Variants in KCNK9 observed in about 807,000 individuals in gnomAD.
KCNK9 encodes the protein potassium two pore domain channel subfamily K member 9.
Under a neutral mutation model 10.8 loss-of-function variants are expected in KCNK9, and 1 was observed. The ratio of observed to expected loss-of-function variants is 0.09; its 90% CI spans 0.03 to 0.44. The LOEUF (loss-of-function observed/expected upper bound fraction) is 0.44, where lower values mean the gene tolerates loss of function less well. Among genes scored for constraint, KCNK9 ranks in the 20% least tolerant of loss-of-function variants. KCNK9 has a pLI of 0.97. For synonymous variants in KCNK9, 231 were observed against 222.7 expected (o/e 1.04, Z -0.33); for missense variants, 303 against 515.0 (o/e 0.59, Z 3.98).
At chr8:139,651,303 C>T (rs1366413694) in intron 1 of KCNK9, among the ~76,000 whole-genome samples, 2 of 152,186 alleles carry the variant, frequency 1.3e-5, no homozygotes, top group African/African-American at 4.8e-5. Flanking sequence ...GGTCCCCCTG[C>T]CCCCACATAT....
At chr8:139,633,663 G>T (rs919860486) in intron 1 of KCNK9, among the ~76,000 whole-genome samples, 4 of 152,188 alleles carry the variant, frequency 2.6e-5, no homozygotes, top group African/African-American at 7.2e-5. Flanking sequence ...AGCAACCTGA[G>T]GTGTCTCCAA....
At chr8:139,699,210 G>C (rs1817138068) in intron 1 of KCNK9, among the ~76,000 whole-genome samples, 1 of 152,192 alleles carries the variant, frequency 6.6e-6, no homozygotes, top group African/African-American at 2.4e-5. Context: ...TGTTAGATTG[G>C]AGAAAGAAGT....
chr8:139,609,548 C>T (rs577319340), downstream of KCNK9, among the ~76,000 whole-genome samples: 22 of 152,260 alleles, frequency 1.4e-4, no homozygotes, highest in South Asian at 3.7e-3. Context: ...CCCTCTCTCA[C>T]CAGGAAGGGT....
rs1053005389 is a variant in KCNK9, at chr8:139,693,011, G to C, written c.283+9699C>G. 2.0e-5 allele frequency among the ~76,000 whole-genome samples: 3 copies of C among 152,028 alleles called. No individual in the cohort carries two copies. The East Asian group carries it at 5.8e-4, about 29-fold the overall frequency. ...TGAGAGGCTCACCTCAGGCCCACCT[G>C]AGAGATTCACCCCAACCTCACCTGA... On this transcript the variant is annotated intron_variant, in intron 1 of 1. Transcript: ENST00000520439. This position sits in a 1 kb window ranked among gnomAD's most constrained non-coding sequence, Gnocchi z 4.1.
chr8:139,632,227 G>T (rs111770861), intron 1 of KCNK9, among the ~76,000 whole-genome samples: 1,966 of 152,232 alleles, frequency 0.013, 34 homozygotes, highest in African/African-American at 0.044. Flanking sequence ...AGTCACCACA[G>T]ACCCCACATC....
chr8:139,677,181 G>A (rs557143103), intron 1 of KCNK9, among the ~76,000 whole-genome samples: 95 of 152,220 alleles, frequency 6.2e-4, no homozygotes, highest in African/African-American at 2.2e-3. Context: ...CCAATTAAAG[G>A]TTGATGCTGG....
intron 2 of KCNK9, among the ~76,000 whole-genome samples, chr8:139,602,483 A>T (rs62520177): frequency 0.19 from 28,795 of 152,172 alleles, 2,994 homozygotes; most frequent in East Asian, 0.31. Flanking sequence ...GGGTGGTGGG[A>T]GACCTTATAG....
intron 1 of KCNK9, among the ~76,000 whole-genome samples, chr8:139,640,162 G>GTC (rs1815458764): frequency 6.6e-6 from 1 of 152,194 alleles, no homozygotes; most frequent in Admixed American, 6.5e-5. Context: ...AAAATGCCCT[G>GTC]TCTCTACCCC....
chr8:139,666,055 GGAAGAA>G (rs1166069680), intron 1 of KCNK9, among the ~76,000 whole-genome samples: 3 of 152,246 alleles, frequency 2.0e-5, no homozygotes, highest in Non-Finnish European at 4.4e-5. Flanking sequence ...GTCTTGTAAG[GGAAGAA>G]CTTGGGTCCC....
downstream of KCNK9, among the ~76,000 whole-genome samples, chr8:139,608,934 T>G (rs919192216): frequency 6.6e-6 from 1 of 152,174 alleles, no homozygotes. Flanking sequence ...CACATCTTTT[T>G]CTGGCTGACC....
intron 1 of KCNK9, among the ~76,000 whole-genome samples, chr8:139,656,520 TGAG>T (rs1816026356): frequency 6.6e-6 from 1 of 152,168 alleles, no homozygotes; most frequent in South Asian, 2.1e-4. Flanking sequence ...TGCAGACAGA[TGAG>T]TGAGCAGCTG....
chr8:139,648,343 A>G (rs1815753204), intron 1 of KCNK9, among the ~76,000 whole-genome samples: 1 of 152,254 alleles, frequency 6.6e-6, no homozygotes, highest in Non-Finnish European at 1.5e-5. Flanking sequence ...GGAACTACAC[A>G]GAGGTGATGG....
chr8:139,631,613 C>T (rs947482238), intron 1 of KCNK9, among the ~76,000 whole-genome samples: 1 of 152,166 alleles, frequency 6.6e-6, no homozygotes, highest in Non-Finnish European at 1.5e-5. Context: ...CCGTTCTACT[C>T]TTTCTTCCCA....
chr8:139,652,228 A>G (rs1815889034), intron 1 of KCNK9, among the ~76,000 whole-genome samples: 1 of 152,172 alleles, frequency 6.6e-6, no homozygotes, highest in Non-Finnish European at 1.5e-5. Flanking sequence ...TGCTTCCACA[A>G]GACACTGAGT....
At chr8:139,690,430 G>A (rs770597928) in intron 1 of KCNK9, among the ~76,000 whole-genome samples, 1 of 152,186 alleles carries the variant, frequency 6.6e-6, no homozygotes, top group African/African-American at 2.4e-5. Context: ...CTTATCCTGG[G>A]GAGCTCTGGT....
At chr8:139,646,962 G>A (rs1586660699) in intron 1 of KCNK9, among the ~76,000 whole-genome samples, 2 of 152,350 alleles carry the variant, frequency 1.3e-5, no homozygotes, top group East Asian at 3.9e-4. Flanking sequence ...CTGGCCGCCA[G>A]CCCAAACTCG....
intron 1 of KCNK9, among the ~76,000 whole-genome samples, chr8:139,619,344 G>A (rs1472832867): frequency 6.6e-6 from 1 of 152,050 alleles, no homozygotes; most frequent in Non-Finnish European, 1.5e-5. Context: ...CAGTAGGGAG[G>A]GAGTTGGGAT....
chr8:139,663,648 C>CGTGTGTGTGTGTGTGT (rs34660685), intron 1 of KCNK9, among the ~76,000 whole-genome samples: 3,819 of 137,442 alleles, frequency 0.028, 75 homozygotes, highest in African/African-American at 0.062. Context: ...CGCGTGCGCA[C>CGTGTGTGTGTGTGTGT]GTGTGTGTGT....
chr8:139,691,639 T>C (rs576889175), intron 1 of KCNK9, among the ~76,000 whole-genome samples: 29 of 152,328 alleles, frequency 1.9e-4, no homozygotes, highest in Non-Finnish European at 4.1e-4. Flanking sequence ...TCATTATAAA[T>C]AGAGGCATGG....
Sources: gnomAD v4.1 joint callset for allele counts (sites outside exome capture counted in the v4.1 genomes callset) on GRCh38, gnomAD v4.1.1 for gene constraint, Gnocchi (gnomAD v3.1) non-coding constraint, MANE v1.5 for transcripts, NCBI Gene and HGNC (gene_info 2026-07-23, HGNC 2026-07-21) for gene names.